The following NALCN variants were observed in gnomAD, a reference collection of about 807,000 sequenced individuals.
The protein encoded by NALCN is sodium leak channel, non-selective, also known as sodium leak channel NALCN.
NALCN carries 111 observed loss-of-function variants against 225.3 expected under a neutral mutation model. The observed-to-expected ratio is 0.49, with a 90% CI of 0.42 to 0.58. The LOEUF is 0.58. Among genes scored for constraint, NALCN ranks in the 20% least tolerant of loss-of-function variants. NALCN has a pLI of 0.00. For synonymous variants in NALCN, 764 were observed against 769.0 expected, an observed-to-expected ratio of 0.99 and a Z score of 0.11; for missense variants, 1,378 against 2,202.4, an observed-to-expected ratio of 0.63 and a Z score of 7.49.
At chr13:101,321,255 G>A (rs558087305) in intron 7 of NALCN, among the ~76,000 whole-genome samples, 5 of 151,806 alleles carry the variant, frequency 3.3e-5, no homozygotes, top group Non-Finnish European at 7.4e-5. Flanking sequence ...GTAAGAAAAA[G>A]ACACACACAC....
rs2031693649 is a variant in NALCN at position 101,059,811 on chromosome 13, C to A, written c.4905+7G>T. On this transcript the variant is annotated splice_region_variant and intron_variant, in intron 42 of 43. Transcript: ENST00000251127. Reference sequence around the variant, plus strand: ...GTCCTGGGACAGAGGACGCCTCGTGCCCATACCTCAGGTTGCATGCTGTTG... The same window carrying A: ...GTCCTGGGACAGAGGACGCCTCGTGACCATACCTCAGGTTGCATGCTGTTG... The A allele has an allele frequency of 6.2e-7, 1 of 1,613,632 alleles. No homozygotes were observed. The highest frequency in any genetic ancestry group is 8.5e-7 in the Non-Finnish European group (1 of 1,179,876).
chr13:101,288,208 A>C (rs1203297557), intron 9 of NALCN, among the ~76,000 whole-genome samples: 1 of 152,158 alleles, frequency 6.6e-6, no homozygotes, highest in African/African-American at 2.4e-5. Flanking sequence ...ATGGTTTCTT[A>C]TTAGAAGGCA....
chr13:101,069,579 A>C (rs566384446), intron 37 of NALCN, among the ~76,000 whole-genome samples: 26 of 152,308 alleles, frequency 1.7e-4, no homozygotes, highest in Admixed American at 1.2e-3. Context: ...ACAAGTCAAC[A>C]TGGAAGTTTA....
At chr13:101,142,769 C>T (rs180932303) in intron 17 of NALCN, 236 of 367,504 alleles carry the variant, frequency 6.4e-4, no homozygotes, top group African/African-American at 4.7e-3. Flanking sequence ...GTCATTACAC[C>T]TGGACTGAGC....
intron 13 of NALCN, among the ~76,000 whole-genome samples, chr13:101,195,477 C>T (rs976148330): frequency 4.6e-5 from 7 of 152,002 alleles, no homozygotes; most frequent in African/African-American, 1.7e-4. Flanking sequence ...ATAAATTTAC[C>T]CATGGTTTTA....
intron 7 of NALCN, among the ~76,000 whole-genome samples, chr13:101,340,944 G>C (rs187280470): frequency 7.8e-4 from 119 of 152,160 alleles, no homozygotes; most frequent in Middle Eastern, 3.4e-3. Flanking sequence ...TCTAAAGAAA[G>C]TAATTTCTGA....
intron 15 of NALCN, among the ~76,000 whole-genome samples, chr13:101,159,600 T>C (rs1233373253): frequency 1.3e-5 from 2 of 152,180 alleles, no homozygotes; most frequent in Admixed American, 6.5e-5. Flanking sequence ...AGATCTGTCA[T>C]AATGAAGTAT....
At position 101,203,869 on chromosome 13, in the gene NALCN, T is replaced by C. The variant is rs187970390; in HGVS notation, c.1627-11815A>G. ...AGAAGCTACAGTGACTTCTTACTAA[T>C]AGATGCTATGAATTGCCTTTTGGTG... On this transcript the variant is annotated intron_variant, in intron 13 of 43. Transcript: ENST00000251127. Among the ~76,000 whole-genome samples, 7 of 152,370 alleles carry C rather than the reference T, an allele frequency of 4.6e-5. No individual in the cohort carries two copies. The East Asian group carries it at 1.3e-3, about 29-fold the overall frequency.
At chr13:101,396,677 A>G (rs574968107) in intron 2 of NALCN, among the ~76,000 whole-genome samples, 1 of 152,158 alleles carries the variant, frequency 6.6e-6, no homozygotes, top group Non-Finnish European at 1.5e-5. Context: ...GAAGCACTTC[A>G]ATAAACATTG....
chr13:101,164,420 C>T (rs1382135051), intron 15 of NALCN, among the ~76,000 whole-genome samples: 1 of 152,054 alleles, frequency 6.6e-6, no homozygotes, highest in Non-Finnish European at 1.5e-5. Context: ...GCCTCACAAG[C>T]AGCTGGGACC....
At chr13:101,383,149 G>C (rs527298452) in intron 3 of NALCN, among the ~76,000 whole-genome samples, 2 of 152,240 alleles carry the variant, frequency 1.3e-5, no homozygotes, top group Admixed American at 1.3e-4. Flanking sequence ...TGCCAAGTCT[G>C]TGCCAACCTT....
Position 101,054,700 on chromosome 13 carries a change from T to C in NALCN, c.*595A>G, listed in dbSNP as rs1200439709. On this transcript the variant is annotated 3_prime_UTR_variant, in exon 44 of 44. Coordinates refer to ENST00000251127, the MANE Select transcript of NALCN (RefSeq NM_052867.4). Reference sequence around the variant, plus strand: ...ATAACTGAGGACAGAAATCAACTTGTTCTGGTCACCAAATGTCTTGTGTAT... The same window carrying C: ...ATAACTGAGGACAGAAATCAACTTGCTCTGGTCACCAAATGTCTTGTGTAT... The C allele has an allele frequency of 6.6e-6, 1 of 152,220 alleles. No individual in the cohort carries two copies. Among genetic ancestry groups the C allele is most frequent in the African/African-American group, 2.4e-5 (1 of 41,450 alleles). 9.4% of individuals were successfully genotyped at this position (152,220 alleles called of 1,614,324 possible). A position where few individuals can be genotyped will look rare whatever the true frequency, so the allele number is the denominator to read the frequency against.
At chr13:101,381,614 T>TA (rs1312909448) in intron 3 of NALCN, among the ~76,000 whole-genome samples, 2 of 152,136 alleles carry the variant, frequency 1.3e-5, no homozygotes, top group Non-Finnish European at 2.9e-5. Context: ...CTCCCTCCCT[T>TA]ACTTCCTTCT....
chr13:101,270,033 A>G (rs1041984633), intron 10 of NALCN, among the ~76,000 whole-genome samples: 8 of 152,162 alleles, frequency 5.3e-5, no homozygotes, highest in African/African-American at 1.9e-4. Flanking sequence ...TATTTTTTTT[A>G]GCCTGATGTT....
chr13:101,280,668 AT>A (rs912851002), intron 10 of NALCN, among the ~76,000 whole-genome samples: 1 of 151,914 alleles, frequency 6.6e-6, no homozygotes, highest in African/African-American at 2.4e-5. Flanking sequence ...TTACTTGCAT[AT>A]TTTTTTCAGC....
At chr13:101,082,430 C>T (rs1299914657) in intron 33 of NALCN, among the ~76,000 whole-genome samples, 1 of 152,048 alleles carries the variant, frequency 6.6e-6, no homozygotes, top group East Asian at 1.9e-4. Context: ...GAAGACTGCC[C>T]TGGAAAGCAA....
intron 13 of NALCN, among the ~76,000 whole-genome samples, chr13:101,209,334 G>T (rs1427517383): frequency 6.6e-6 from 1 of 152,020 alleles, no homozygotes; most frequent in East Asian, 1.9e-4. Flanking sequence ...GGAACTAGTT[G>T]GTACCTCATA....
chr13:101,257,209 GT>G (rs34334262), intron 11 of NALCN, among the ~76,000 whole-genome samples: 29,577 of 120,764 alleles, frequency 0.24, 3,060 homozygotes, highest in Non-Finnish European at 0.31. Flanking sequence ...ATTGTTTATT[GT>G]TTTTTTTTTT....
intron 3 of NALCN, among the ~76,000 whole-genome samples, chr13:101,383,912 T>C (rs146504489): frequency 9.5e-4 from 144 of 152,316 alleles, no homozygotes; most frequent in African/African-American, 3.2e-3. Flanking sequence ...ATTACTATCA[T>C]ATTAATCATT....
Sources: allele counts gnomAD v4.1 joint callset (sites outside exome capture counted in the v4.1 genomes callset), GRCh38; gene constraint gnomAD v4.1.1; transcripts MANE v1.5; gene names NCBI Gene and HGNC (gene_info 2026-07-23, HGNC 2026-07-21).